Variants in LRCH1 observed in about 807,000 individuals in gnomAD.
The protein encoded by LRCH1 is leucine rich repeats and calponin homology domain containing 1.
A neutral mutation model predicts 94.9 loss-of-function variants in LRCH1; 23 were observed. That is an observed-to-expected ratio of 0.24 (90% CI 0.17 to 0.34). LRCH1 has a LOEUF of 0.34. LRCH1 is among the 10% of genes least tolerant of loss of function. The pLI is 1.00. For missense variants in LRCH1, 790 were observed against 945.9 expected, an observed-to-expected ratio of 0.84 and a Z score of 2.16; for synonymous variants, 364 against 354.9, an observed-to-expected ratio of 1.03 and a Z score of -0.29.
chr13:46,675,564 A>C (rs2051660561), intron 3 of LRCH1, among the ~76,000 whole-genome samples: 1 of 152,040 alleles, frequency 6.6e-6, no homozygotes, highest in African/African-American at 2.4e-5. Flanking sequence ...TTTTTTCATG[A>C]AATGTTTGGT....
intron 2 of LRCH1, among the ~76,000 whole-genome samples, chr13:46,666,375 C>G (rs1243644990): frequency 6.6e-6 from 1 of 152,196 alleles, no homozygotes; most frequent in Non-Finnish European, 1.5e-5. Flanking sequence ...TCTGAATGAG[C>G]AGAACTTTCT....
At chr13:46,554,661 G>A (rs2050043357) in intron 1 of LRCH1, among the ~76,000 whole-genome samples, 1 of 152,234 alleles carries the variant, frequency 6.6e-6, no homozygotes, top group African/African-American at 2.4e-5. Flanking sequence ...AGTTCCAGGA[G>A]CGGGATCTAT....
intron 2 of LRCH1, among the ~76,000 whole-genome samples, chr13:46,665,682 G>C (rs1351942677): frequency 1.3e-5 from 2 of 152,160 alleles, no homozygotes; most frequent in African/African-American, 4.8e-5. Flanking sequence ...GGGTAGGGGT[G>C]GGGGTGTAGA....
At chr13:46,739,339 G>C (rs1026649226) in intron 19 of LRCH1, among the ~76,000 whole-genome samples, 8 of 152,180 alleles carry the variant, frequency 5.3e-5, no homozygotes, top group African/African-American at 1.9e-4. Context: ...TGCCTCTGGG[G>C]ACTCTTAGTG....
rs117819373 is a variant in LRCH1 at position 46,642,111 on chromosome 13, G to A, written c.308-8090G>A. Among the ~76,000 whole-genome samples the A allele has an allele frequency of 4.3e-4, 66 of 152,372 alleles. No individual in the cohort carries two copies. The East Asian group carries it at 0.011, about 26-fold the overall frequency. On this transcript the variant is annotated intron_variant, in intron 1 of 19. Transcript: ENST00000389797. ...AATGCCCATTGTGGGTTGGATGGAG[G>A]ATACGTGGCACTAAAGACATGTGCT...
chr13:46,566,283 G>C (rs1161155613), intron 1 of LRCH1, among the ~76,000 whole-genome samples: 1 of 152,124 alleles, frequency 6.6e-6, no homozygotes, highest in African/African-American at 2.4e-5. Context: ...TGAGCTTTAG[G>C]AATAAATATA....
Position 46,686,059 on chromosome 13 carries a change from A to G in LRCH1, c.822+18A>G, listed in dbSNP as rs117836983. On this transcript the variant is annotated intron_variant, in intron 5 of 19. Transcript: ENST00000389797. ...CAGCACAGGTGAGGGGTCTTGCAGC[A>G]AAGCCAATGCCCCATGGGATGTGCT... 11 of 1,535,994 alleles carry G rather than the reference A, an allele frequency of 7.2e-6. No individual in the cohort carries two copies. In the East Asian group the frequency reaches 2.6e-4, roughly 37 times the overall value.
chr13:46,740,481 A>C (rs1873595987), intron 19 of LRCH1, among the ~76,000 whole-genome samples: 1 of 152,232 alleles, frequency 6.6e-6, no homozygotes, highest in African/African-American at 2.4e-5. Context: ...AAAACTTCTA[A>C]CTTAGAAACA....
downstream of LRCH1, among the ~76,000 whole-genome samples, chr13:46,746,720 G>C (rs796242699): frequency 5.9e-5 from 9 of 152,298 alleles, 1 homozygote; most frequent in African/African-American, 2.2e-4. Flanking sequence ...CTGATCCTTA[G>C]AGGGCCCTTC....
At chr13:46,727,723 C>T (rs570603547) in intron 17 of LRCH1, among the ~76,000 whole-genome samples, 2 of 152,214 alleles carry the variant, frequency 1.3e-5, no homozygotes, top group South Asian at 4.2e-4. Context: ...TGTCAATATC[C>T]TGGTTGTTTT....
In LRCH1 at chr13:46,562,666, T is replaced by C. The variant is rs564635720; in HGVS notation, c.307+8963T>C. The stretch of plus-strand genomic sequence containing the variant: ...CCCATAACGCCCACTGACTCACCCC[T>C]GCTGTAGCTGGTAGCTGGAGTTCCT... On this transcript the variant is annotated intron_variant, in intron 1 of 19. Coordinates refer to ENST00000389797, the MANE Select transcript of LRCH1 (RefSeq NM_001164211.2). Among the ~76,000 whole-genome samples the C allele has an allele frequency of 3.3e-4, 51 of 152,322 alleles. 1 individual carries two copies. The highest frequency in any genetic ancestry group is 1.1e-3 in the African/African-American group (47 of 41,562).
chr13:46,602,784 C>A (rs2050641980), intron 1 of LRCH1, among the ~76,000 whole-genome samples: 1 of 152,056 alleles, frequency 6.6e-6, no homozygotes, highest in South Asian at 2.1e-4. Flanking sequence ...AAAACTCCAT[C>A]TCTATAAAAA....
intron 17 of LRCH1, 39 bp downstream of exon 17, chr13:46,723,369 G>A (rs1186770397): frequency 7.3e-7 from 1 of 1,378,854 alleles, no homozygotes; most frequent in South Asian, 1.2e-5. Context: ...GAGAATTTAA[G>A]CAACATTCTA....
chr13:46,572,675 G>T (rs907424110), intron 1 of LRCH1, among the ~76,000 whole-genome samples: 2 of 152,168 alleles, frequency 1.3e-5, no homozygotes, highest in Non-Finnish European at 1.5e-5. Flanking sequence ...GTGCACAATT[G>T]TGGGCAAAAG....
chr13:46,574,111 A>G (rs1409967955), intron 1 of LRCH1, among the ~76,000 whole-genome samples: 1 of 151,616 alleles, frequency 6.6e-6, no homozygotes, highest in African/African-American at 2.4e-5. Context: ...TCGGCCTCCC[A>G]AAGTGCTGGA....
Position 46,657,485 on chromosome 13 carries a change from T to TTTTTC in LRCH1, c.452+7155_452+7159dup, listed in dbSNP as rs774661773. ...TCTTTCTTTCTTCTTTCATTTTTAC[T>TTTTTC]TTTTCTTTTCTTTTCTTTTTTTTTT... On this transcript the variant is annotated intron_variant, in intron 2 of 19. Coordinates refer to ENST00000389797, the MANE Select transcript of LRCH1 (RefSeq NM_001164211.2). Among the ~76,000 whole-genome samples, 1,177 of 123,306 alleles carry TTTTTC rather than the reference T, an allele frequency of 9.5e-3. 77 individuals are homozygous for TTTTTC. Among genetic ancestry groups the TTTTTC allele is most frequent in the Non-Finnish European group, 0.016 (926 of 56,808 alleles). The allele number at this position is 123,306 out of a possible 152,430, so 80.9% of individuals were successfully genotyped here.
chr13:46,669,422 C>T (rs2051567590), intron 3 of LRCH1, among the ~76,000 whole-genome samples: 1 of 152,110 alleles, frequency 6.6e-6, no homozygotes, highest in Non-Finnish European at 1.5e-5. Flanking sequence ...TATGGGCTAT[C>T]ATGTTGTAGT....
intron 2 of LRCH1, among the ~76,000 whole-genome samples, chr13:46,655,402 G>A (rs1029512501): frequency 1.3e-5 from 2 of 152,222 alleles, no homozygotes; most frequent in Non-Finnish European, 1.5e-5. Flanking sequence ...ATTTACTGCT[G>A]TTTATGTAGC....
intron 10 of LRCH1, 152 bp from the exon 11 acceptor site, chr13:46,700,969 C>A (rs981856738): frequency 8.4e-6 from 5 of 592,176 alleles, no homozygotes; most frequent in Middle Eastern, 4.5e-4. Flanking sequence ...TCCCACCCCA[C>A]AAGGTACAAA....
Sources: gnomAD v4.1 joint callset for allele counts (sites outside exome capture counted in the v4.1 genomes callset) on GRCh38, gnomAD v4.1.1 for gene constraint, MANE v1.5 for transcripts, NCBI Gene and HGNC (gene_info 2026-07-23, HGNC 2026-07-21) for gene names.